Variants in RASA1 observed in about 807,000 individuals in gnomAD.
RASA1 encodes the protein RAS p21 protein activator 1.
A neutral mutation model predicts 132.2 loss-of-function variants in RASA1; 25 were observed. The observed-to-expected ratio is 0.19, with a 90% CI of 0.14 to 0.26. The LOEUF (loss-of-function observed/expected upper bound fraction) is 0.26, where lower values mean the gene tolerates loss of function less well. Ranked by LOEUF, RASA1 falls within the 10% of genes least tolerant of loss-of-function variation. RASA1 has a pLI of 1.00. For synonymous variants in RASA1, 477 were observed against 449.9 expected, an observed-to-expected ratio of 1.06 and a Z score of -0.76; for missense variants, 964 against 1,299.2, an observed-to-expected ratio of 0.74 and a Z score of 3.97.
chr5:87,312,328 A>G (rs920292194), intron 1 of RASA1, among the ~76,000 whole-genome samples: 14 of 152,344 alleles, frequency 9.2e-5, no homozygotes, highest in African/African-American at 3.1e-4. Context: ...GATAGTAAAC[A>G]TTTGTACAAA....
chr5:87,293,959 G>A (rs1279984259), intron 1 of RASA1, among the ~76,000 whole-genome samples: 1 of 151,872 alleles, frequency 6.6e-6, no homozygotes, highest in African/African-American at 2.4e-5. Context: ...TTTGTCTTCT[G>A]TCTTTTTTTG....
chr5:87,314,902 A>G (rs1220964532), intron 1 of RASA1, among the ~76,000 whole-genome samples: 1 of 152,204 alleles, frequency 6.6e-6, no homozygotes, highest in Non-Finnish European at 1.5e-5. Flanking sequence ...AGTATGACAG[A>G]TATGTGACCT....
chr5:87,267,958 C>A lies in RASA1; in HGVS notation c.-494C>A, dbSNP rs199648902. On this transcript the variant is annotated 5_prime_UTR_variant, in exon 1 of 25. Transcript: ENST00000274376. The stretch of plus-strand genomic sequence containing the variant: ...CCCGCCCCCCTTTCTCTTGCCCCCC[C>A]ACCCCTCTCATCTGCCTGGTGGAGG... The A allele has an allele frequency of 7.8e-5, 31 of 398,882 alleles. No homozygotes were observed. The highest frequency in any genetic ancestry group is 3.8e-4 in the South Asian group (3 of 7,860). 24.7% of individuals were successfully genotyped at this position (398,882 alleles called of 1,614,324 possible).
chr5:87,272,113 A>T (rs1753870130), intron 1 of RASA1, among the ~76,000 whole-genome samples: 1 of 151,292 alleles, frequency 6.6e-6, no homozygotes, highest in South Asian at 2.1e-4. Context: ...CTGCCGTTGC[A>T]CTCTAGCCTG....
rs527752990 is a variant in RASA1, at chr5:87,373,394, C to T, written c.1777-769C>T. Among the ~76,000 whole-genome samples, 12 of 152,008 alleles carry T rather than the reference C, an allele frequency of 7.9e-5. No homozygotes were observed. In the South Asian group the frequency reaches 1.0e-3, roughly 13 times the overall value. On this transcript the variant is annotated intron_variant, in intron 13 of 24. Coordinates refer to ENST00000274376, the MANE Select transcript of RASA1 (RefSeq NM_002890.3). ...TGCAGATACTATGTCATTTTCTATA[C>T]GGGACTTGAGCATCTTGGGCTTCGT...
At chr5:87,349,896 A>T (rs1409629381) in intron 8 of RASA1, among the ~76,000 whole-genome samples, 1 of 151,900 alleles carries the variant, frequency 6.6e-6, no homozygotes, top group Non-Finnish European at 1.5e-5. Flanking sequence ...GATTAGGAAA[A>T]TAAGTTAATA....
chr5:87,317,711 C>T (rs1756449290), intron 1 of RASA1, among the ~76,000 whole-genome samples: 1 of 151,784 alleles, frequency 6.6e-6, no homozygotes, highest in African/African-American at 2.4e-5. Flanking sequence ...TCTCAGCTCA[C>T]TGCAGCCTCG....
intron 1 of RASA1, among the ~76,000 whole-genome samples, chr5:87,282,277 C>T (rs1201335027): frequency 6.6e-6 from 1 of 151,780 alleles, no homozygotes; most frequent in East Asian, 1.9e-4. Context: ...ATTCGTTTTC[C>T]TTTTGCCTGT....
chr5:87,343,115 T>A (rs1389293160), intron 6 of RASA1, among the ~76,000 whole-genome samples: 1 of 152,194 alleles, frequency 6.6e-6, no homozygotes, highest in East Asian at 1.9e-4. Context: ...GTACTTTAAA[T>A]TCTTTAAAGT....
In RASA1 at chr5:87,349,247, C is replaced by G; in HGVS notation, c.1136C>G (p.Ser379Ter). 6.2e-7 allele frequency: 1 copy of G among 1,612,048 alleles called. No homozygotes were observed. The highest frequency in any genetic ancestry group is 8.5e-7 in the Non-Finnish European group (1 of 1,178,668). ...GQVCSFLVRP[S>*]DNTPGDYSLY... ...GTCTGCAGTTTTCTTGTGAGGCCCT[C>G]AGATAATACTCCTGGCGATTATTCA... Residue 379 changes from serine (S) to a stop codon, truncating the protein, a stop_gained, in exon 8 of 25, where the codon TCA becomes TGA. Transcript: ENST00000274376. LOFTEE classifies it high-confidence loss of function.
intron 9 of RASA1, among the ~76,000 whole-genome samples, chr5:87,355,186 G>C (rs1451811658): frequency 6.6e-6 from 1 of 152,178 alleles, no homozygotes; most frequent in Admixed American, 6.5e-5. Flanking sequence ...GATTTTCAGT[G>C]TAAAGAAAAC....
chr5:87,388,937 T>C (rs1009359886), intron 23 of RASA1, among the ~76,000 whole-genome samples: 1 of 152,156 alleles, frequency 6.6e-6, no homozygotes, highest in Non-Finnish European at 1.5e-5. Flanking sequence ...CCACCCCTTA[T>C]TTTTAGAATA....
chr5:87,339,822 A>G (rs1430443541), intron 5 of RASA1, among the ~76,000 whole-genome samples: 2 of 152,140 alleles, frequency 1.3e-5, no homozygotes, highest in Non-Finnish European at 2.9e-5. Flanking sequence ...CAATATGTAG[A>G]ATAACTTTCA....
At chr5:87,333,172 ATG>A (rs767866774) in intron 3 of RASA1, 93 bp from the exon 4 acceptor site, 49 of 1,520,684 alleles carry the variant, frequency 3.2e-5, no homozygotes, top group Non-Finnish European at 4.1e-5. Flanking sequence ...GGAGTTTCTA[ATG>A]TGAATTTTTA....
intron 1 of RASA1, among the ~76,000 whole-genome samples, chr5:87,292,775 G>C (rs1045178141): frequency 6.6e-6 from 1 of 152,144 alleles, no homozygotes; most frequent in African/African-American, 2.4e-5. Flanking sequence ...TCTTATTCAT[G>C]AACTTGGAGT....
intron 8 of RASA1, among the ~76,000 whole-genome samples, chr5:87,350,448 A>C (rs114916935): frequency 0.013 from 1,936 of 151,966 alleles, 26 homozygotes; most frequent in Non-Finnish European, 0.019. Flanking sequence ...CATCTTCTTA[A>C]CTGAATAAAT....
chr5:87,376,609 A>C lies in RASA1; in HGVS notation c.2184+44A>C, dbSNP rs762337942. ...GTCTTGTTTTTGTTGGAATTAACAG[A>C]AACATTTAACATTTAATAAAAGATC... is the stretch of plus-strand genomic sequence containing the variant. On this transcript the variant is annotated intron_variant, in intron 16 of 24. Coordinates refer to ENST00000274376, the MANE Select transcript of RASA1 (RefSeq NM_002890.3). The C allele has an allele frequency of 3.2e-6, 5 of 1,580,432 alleles. No individual in the cohort carries two copies. The Admixed American group carries it at 8.3e-5, about 26-fold the overall frequency.
rs1554050607 is a variant in RASA1 at position 87,386,912 on chromosome 5, A to T, written c.2925+9A>T. 2 of 1,606,318 alleles carry T rather than the reference A, an allele frequency of 1.2e-6. No homozygotes were observed. Among genetic ancestry groups the T allele is most frequent in the East Asian group, 2.2e-5 (1 of 44,748 alleles). On this transcript the variant is annotated intron_variant, in intron 23 of 24. Transcript: ENST00000274376. ...TTTTAGATGAACTTGGGGTATGTAT[A>T]TAGTTTTCAGGTACTTTTTTTAAGA...
intron 1 of RASA1, among the ~76,000 whole-genome samples, chr5:87,289,913 TTTG>T (rs772337592): frequency 8.6e-5 from 13 of 151,982 alleles, no homozygotes; most frequent in Admixed American, 2.0e-4. Context: ...CTGGCTTAAT[TTTG>T]TTGTTGTTGT....
Sources: gnomAD v4.1 joint callset for allele counts (sites outside exome capture counted in the v4.1 genomes callset) on GRCh38, gnomAD v4.1.1 for gene constraint, MANE v1.5 for transcripts, NCBI Gene and HGNC (gene_info 2026-07-23, HGNC 2026-07-21) for gene names.